Variants in ABI3BP observed in about 807,000 individuals in gnomAD.
The protein encoded by ABI3BP is ABI family member 3 binding protein.
In ABI3BP, 216 loss-of-function variants were observed where a neutral mutation model predicts 268.6. The ratio of observed to expected loss-of-function variants is 0.80; its 90% CI spans 0.72 to 0.90. The LOEUF (loss-of-function observed/expected upper bound fraction) is 0.90. Ranked by LOEUF, ABI3BP falls within the 40% of genes least tolerant of loss-of-function variation. The pLI is 0.00. For missense variants in ABI3BP, 2,090 were observed against 2,182.4 expected (o/e 0.96, Z 0.84); for synonymous variants, 730 against 730.0 (o/e 1.00, Z 0.00).
At chr3:100,967,676 T>C (rs558156656) in intron 1 of ABI3BP, among the ~76,000 whole-genome samples, 4 of 152,266 alleles carry the variant, frequency 2.6e-5, no homozygotes, top group Non-Finnish European at 5.9e-5. Flanking sequence ...AATATTCTGA[T>C]TTCAATCAAT....
chr3:100,823,882 T>C (rs970372359), intron 36 of ABI3BP, among the ~76,000 whole-genome samples: 6 of 152,216 alleles, frequency 3.9e-5, no homozygotes, highest in African/African-American at 1.2e-4. Context: ...CTTCTGAATA[T>C]TAGCGCTTAT....
At chr3:100,833,231 C>T (rs2098522069) in intron 29 of ABI3BP, 74 bp from the exon 30 acceptor site, 1 of 1,386,338 alleles carries the variant, frequency 7.2e-7, no homozygotes, top group African/African-American at 1.4e-5. Context: ...CCATCATTCT[C>T]TTGAAAAGTG....
intron 2 of ABI3BP, among the ~76,000 whole-genome samples, chr3:100,924,921 T>C (rs2061379557): frequency 6.6e-6 from 1 of 152,182 alleles, no homozygotes; most frequent in South Asian, 2.1e-4. Context: ...AGGGGTAATA[T>C]GTCATCTGTT....
intron 56 of ABI3BP, among the ~76,000 whole-genome samples, chr3:100,789,213 T>C: frequency 6.6e-6 from 1 of 152,104 alleles, no homozygotes. Context: ...TATTTTTAAA[T>C]ACTTTTAAAT....
In ABI3BP at chr3:100,942,828, G is replaced by C. The variant is rs144351493; in HGVS notation, c.80-16347C>G. Among the ~76,000 whole-genome samples, 647 of 152,186 alleles carry C rather than the reference G, an allele frequency of 4.3e-3. 3 individuals are homozygous for C. Among genetic ancestry groups the C allele is most frequent in the African/African-American group, 0.014 (600 of 41,530 alleles). On this transcript the variant is annotated intron_variant, in intron 1 of 67. Transcript: ENST00000471714. Reference sequence around the variant, plus strand: ...GATATTCTGGTGAATACTCAAGTTTGAGAGCCATTACTCTTTTAAAATTCA... The same window carrying C: ...GATATTCTGGTGAATACTCAAGTTTCAGAGCCATTACTCTTTTAAAATTCA...
chr3:100,917,997 T>C (rs1268473632), intron 2 of ABI3BP, among the ~76,000 whole-genome samples: 1 of 152,012 alleles, frequency 6.6e-6, no homozygotes, highest in Non-Finnish European at 1.5e-5. Flanking sequence ...TCTTTAAAAA[T>C]CCCCTTTGAA....
intron 3 of ABI3BP, among the ~76,000 whole-genome samples, chr3:100,901,128 C>T (rs2050102524): frequency 6.6e-6 from 1 of 152,168 alleles, no homozygotes; most frequent in South Asian, 2.1e-4. Flanking sequence ...GTCTGGACAA[C>T]TCTCACTAAC....
At chr3:100,896,915 G>A (rs2047978367) in intron 4 of ABI3BP, among the ~76,000 whole-genome samples, 1 of 152,170 alleles carries the variant, frequency 6.6e-6, no homozygotes, top group Non-Finnish European at 1.5e-5. Context: ...CATCCCTTGA[G>A]AACCATGGGC....
At chr3:100,942,230 C>T (rs2069657162) in intron 1 of ABI3BP, among the ~76,000 whole-genome samples, 1 of 151,964 alleles carries the variant, frequency 6.6e-6, no homozygotes, top group East Asian at 1.9e-4. Flanking sequence ...TTCAGTGCAG[C>T]ATGATTAGCA....
intron 32 of ABI3BP, 63 bp downstream of exon 32, chr3:100,830,515 G>T: frequency 7.3e-7 from 1 of 1,370,064 alleles, no homozygotes; most frequent in South Asian, 1.3e-5. Context: ...TGGTTATGAT[G>T]GTGATGAATG....
chr3:100,899,042 C>G, intron 3 of ABI3BP, 148 bp from the exon 4 acceptor site: 5 of 904,214 alleles, frequency 5.5e-6, no homozygotes, highest in Non-Finnish European at 8.3e-6. Context: ...CACATTATTA[C>G]TAATTTTTGC....
At chr3:100,905,111 G>A (rs542164726) in intron 2 of ABI3BP, among the ~76,000 whole-genome samples, 20 of 152,210 alleles carry the variant, frequency 1.3e-4, no homozygotes, top group Admixed American at 9.8e-4. Flanking sequence ...GTCCTTTGTA[G>A]GGACATGGAT....
intron 2 of ABI3BP, among the ~76,000 whole-genome samples, chr3:100,917,589 C>T (rs1031074810): frequency 6.6e-6 from 1 of 152,072 alleles, no homozygotes; most frequent in African/African-American, 2.4e-5. Context: ...GACCATATAT[C>T]TTTTTGGCCC....
chr3:100,821,865 T>G (rs1408635564), intron 38 of ABI3BP, among the ~76,000 whole-genome samples: 2 of 152,104 alleles, frequency 1.3e-5, no homozygotes, highest in Non-Finnish European at 2.9e-5. Context: ...CCTCCCAAAG[T>G]GCTAGGATTA....
chr3:100,971,042 A>AT (rs1446465783), intron 1 of ABI3BP, among the ~76,000 whole-genome samples: 14 of 152,188 alleles, frequency 9.2e-5, no homozygotes, highest in Admixed American at 9.2e-4. Context: ...GTTTCAAGGA[A>AT]TTTTGGTGGC....
chr3:100,851,358 T>C (rs1034597056), intron 15 of ABI3BP, among the ~76,000 whole-genome samples: 5 of 152,170 alleles, frequency 3.3e-5, no homozygotes, highest in Admixed American at 3.3e-4. Flanking sequence ...GTTAGCACTA[T>C]TGACAATTAG....
chr3:100,884,522 A>G (rs144556745), intron 6 of ABI3BP, among the ~76,000 whole-genome samples: 1 of 152,184 alleles, frequency 6.6e-6, no homozygotes, highest in African/African-American at 2.4e-5. Flanking sequence ...ACCAAAACCA[A>G]TCTTCCTTTT....
At chr3:100,956,627 A>G (rs1203700612) in intron 1 of ABI3BP, among the ~76,000 whole-genome samples, 1 of 152,186 alleles carries the variant, frequency 6.6e-6, no homozygotes, top group Non-Finnish European at 1.5e-5. Flanking sequence ...TTGTTGAGAC[A>G]CAATCAAGCC....
intron 19 of ABI3BP, among the ~76,000 whole-genome samples, chr3:100,847,023 A>G (rs6767179): frequency 0.25 from 37,495 of 152,128 alleles, 5,021 homozygotes; most frequent in African/African-American, 0.34. Context: ...TGATGTGCAT[A>G]TCTTTTGCAG....
Sources: gnomAD v4.1 joint callset for allele counts (sites outside exome capture counted in the v4.1 genomes callset) on GRCh38, gnomAD v4.1.1 for gene constraint, MANE v1.5 for transcripts, NCBI Gene and HGNC (gene_info 2026-07-23, HGNC 2026-07-21) for gene names.